SLC44A5: variants seen among roughly 807,000 people sequenced by gnomAD.
SLC44A5 encodes choline transporter-like protein 5.
A neutral mutation model predicts 101.8 loss-of-function variants in SLC44A5; 57 were observed. That is an observed-to-expected ratio of 0.56 (90% CI 0.45 to 0.70). SLC44A5 has a LOEUF of 0.70. Ranked by LOEUF, SLC44A5 falls within the 30% of genes least tolerant of loss-of-function variation. The pLI, the probability that SLC44A5 is intolerant of heterozygous loss-of-function variation, is 0.00. For missense variants in SLC44A5, 737 were observed against 853.1 expected (o/e 0.86, Z 1.70); for synonymous variants, 281 against 290.9 (o/e 0.97, Z 0.35).
chr1:75,225,558 T>C (rs1216603122), intron 13 of SLC44A5, among the ~76,000 whole-genome samples: 2 of 152,160 alleles, frequency 1.3e-5, no homozygotes, highest in African/African-American at 4.8e-5. Context: ...CACGAATTCA[T>C]AGTTAGTTAA....
chr1:75,665,878 C>T, the SLC44A5 span, among the ~76,000 whole-genome samples: 2 of 152,054 alleles, frequency 1.3e-5, no homozygotes, highest in Non-Finnish European at 2.9e-5. Context: ...TGCTCAACAT[C>T]GCTAATGATC....
chr1:75,698,838 G>C, the SLC44A5 span, among the ~76,000 whole-genome samples: 1 of 152,064 alleles, frequency 6.6e-6, no homozygotes, highest in African/African-American at 2.4e-5. Context: ...ACCAAGACTC[G>C]AGAACTACGT....
At chr1:75,615,908 C>T (rs1254991326), upstream of SLC44A5, 5 of 986,764 alleles carry the variant, frequency 5.1e-6, no homozygotes, top group Non-Finnish European at 6.0e-6. Context: ...TTCCCTCCCC[C>T]GGACCCCCCA....
intron 3 of SLC44A5, among the ~76,000 whole-genome samples, chr1:75,343,018 T>C (rs548961084): frequency 6.6e-6 from 1 of 152,226 alleles, no homozygotes; most frequent in East Asian, 1.9e-4. Context: ...GCAGTGCTTT[T>C]ATAGGGGCCC....
intron 2 of SLC44A5, among the ~76,000 whole-genome samples, chr1:75,474,225 C>T (rs1413769186): frequency 6.6e-6 from 1 of 152,126 alleles, no homozygotes; most frequent in African/African-American, 2.4e-5. Context: ...CTTTGTCATA[C>T]AGTCTGCACC....
intron 7 of SLC44A5, among the ~76,000 whole-genome samples, chr1:75,250,635 T>C (rs1439497767): frequency 6.6e-6 from 1 of 152,194 alleles, no homozygotes; most frequent in Non-Finnish European, 1.5e-5. Context: ...GTGAAACTTC[T>C]TATCCAAGGC....
chr1:75,435,081 C>T (rs1298267853), intron 2 of SLC44A5, among the ~76,000 whole-genome samples: 1 of 152,132 alleles, frequency 6.6e-6, no homozygotes, highest in Non-Finnish European at 1.5e-5. Context: ...ACTAAAGTCA[C>T]TTAATAACTC....
intron 4 of SLC44A5, among the ~76,000 whole-genome samples, chr1:75,328,698 G>A (rs1031220109): frequency 2.0e-5 from 3 of 152,052 alleles, no homozygotes; most frequent in Admixed American, 2.0e-4. Flanking sequence ...AAGCTCCCTG[G>A]GAAAAAATAG....
At chr1:75,516,384 G>A (rs1184902765) in intron 2 of SLC44A5, among the ~76,000 whole-genome samples, 34 of 152,106 alleles carry the variant, frequency 2.2e-4, no homozygotes, top group Non-Finnish European at 2.9e-5. Context: ...CGTGGTGGTG[G>A]CGGGCGCCTG....
intron 1 of SLC44A5, among the ~76,000 whole-genome samples, chr1:75,604,778 T>C (rs1446163543): frequency 6.6e-6 from 1 of 151,648 alleles, no homozygotes; most frequent in Non-Finnish European, 1.5e-5. Context: ...TGTGTGTGTG[T>C]ACTGTAAATT....
chr1:75,698,597 T>G, the SLC44A5 span, among the ~76,000 whole-genome samples: 1 of 152,286 alleles, frequency 6.6e-6, no homozygotes, highest in South Asian at 2.1e-4. Context: ...GCAGAGCGTC[T>G]CTCCTCCTCC....
intron 2 of SLC44A5, among the ~76,000 whole-genome samples, chr1:75,421,612 C>G (rs1664007474): frequency 6.6e-6 from 1 of 152,138 alleles, no homozygotes; most frequent in Non-Finnish European, 1.5e-5. Context: ...GAGAAATTTG[C>G]TAAGGCTTTC....
intron 1 of SLC44A5, among the ~76,000 whole-genome samples, chr1:75,550,141 A>C (rs1671861235): frequency 6.6e-6 from 1 of 152,130 alleles, no homozygotes; most frequent in African/African-American, 2.4e-5. Flanking sequence ...TTTCATAAGA[A>C]CCAAAAAGTG....
At chr1:75,696,151 C>T in the SLC44A5 span, among the ~76,000 whole-genome samples, 1 of 152,128 alleles carries the variant, frequency 6.6e-6, no homozygotes. Flanking sequence ...TCCTGATTTA[C>T]ATATTCTCAC....
intron 1 of SLC44A5, among the ~76,000 whole-genome samples, chr1:75,578,279 T>G (rs376076898): frequency 1.3e-5 from 2 of 152,224 alleles, no homozygotes; most frequent in South Asian, 4.1e-4. Context: ...AATAAATAGT[T>G]AAAATAATTT....
intron 4 of SLC44A5, 98 bp from the exon 5 acceptor site, chr1:75,300,783 G>A (rs1654396482): frequency 1.5e-6 from 1 of 653,768 alleles, no homozygotes; most frequent in South Asian, 3.1e-5. Flanking sequence ...TAGTAATAGT[G>A]AGATGTTATT....
intron 4 of SLC44A5, among the ~76,000 whole-genome samples, chr1:75,329,502 C>G (rs764832818): frequency 2.6e-5 from 4 of 151,506 alleles, no homozygotes; most frequent in South Asian, 2.1e-4. Flanking sequence ...CCGAGTTATG[C>G]TTATACTTCT....
intron 4 of SLC44A5, among the ~76,000 whole-genome samples, chr1:75,302,190 T>G (rs2100872195): frequency 6.8e-6 from 1 of 147,482 alleles, no homozygotes; most frequent in South Asian, 2.2e-4. Flanking sequence ...GGGTATCTGT[T>G]TCACCTGCAT....
At chr1:75,216,173 A>G (rs1008204082) in intron 18 of SLC44A5, among the ~76,000 whole-genome samples, 8 of 151,958 alleles carry the variant, frequency 5.3e-5, no homozygotes, top group Admixed American at 1.3e-4. Flanking sequence ...TTTTGTCTGT[A>G]TAAATTTGCT....
Sources: allele counts gnomAD v4.1 joint callset (sites outside exome capture counted in the v4.1 genomes callset), GRCh38; gene constraint gnomAD v4.1.1; transcripts MANE v1.5; gene names NCBI Gene and HGNC (gene_info 2026-07-23, HGNC 2026-07-21).